The following CLVS1 variants were observed in gnomAD, a reference collection of about 807,000 sequenced individuals.
CLVS1 encodes the protein clavesin 1, also known as clavesin-1.
A neutral mutation model predicts 33.1 loss-of-function variants in CLVS1; 10 were observed. That is an observed-to-expected ratio of 0.30 (90% CI 0.19 to 0.51). The LOEUF is 0.51. Ranked by LOEUF, CLVS1 falls within the 20% of genes least tolerant of loss-of-function variation. The probability of loss-of-function intolerance (pLI) is 0.97; values close to 1 mark genes in which losing one functional copy is unlikely to be tolerated. For synonymous variants in CLVS1, 163 were observed against 166.1 expected (o/e 0.98, Z 0.14); for missense variants, 343 against 433.4 (o/e 0.79, Z 1.85).
chr8:61,350,282 A>G (rs757907413), intron 2 of CLVS1, among the ~76,000 whole-genome samples: 7 of 152,154 alleles, frequency 4.6e-5, no homozygotes, highest in Non-Finnish European at 8.8e-5. Flanking sequence ...GAAGAGAATC[A>G]AGTATCCCAT....
At chr8:61,045,851 C>G in the CLVS1 span, among the ~76,000 whole-genome samples, 1 of 152,162 alleles carries the variant, frequency 6.6e-6, no homozygotes, top group Non-Finnish European at 1.5e-5. Flanking sequence ...AATAGACAAC[C>G]AGGCATAGAG....
At chr8:61,314,556 C>G (rs568445876) in intron 2 of CLVS1, among the ~76,000 whole-genome samples, 1 of 152,138 alleles carries the variant, frequency 6.6e-6, no homozygotes, top group African/African-American at 2.4e-5. Context: ...AATGAGGAAG[C>G]TAACCTTGGA....
intron 2 of CLVS1, among the ~76,000 whole-genome samples, chr8:61,267,443 A>G (rs904552499): frequency 4.2e-4 from 64 of 152,216 alleles, no homozygotes; most frequent in African/African-American, 1.4e-3. Context: ...ACATACACAC[A>G]TCTATATCCG....
At chr8:61,287,730 C>T (rs183462324), upstream of CLVS1, among the ~76,000 whole-genome samples, 138 of 151,650 alleles carry the variant, frequency 9.1e-4, 1 homozygote, top group Middle Eastern at 6.8e-3. Flanking sequence ...GTCAAATTTA[C>T]ACACACACAC....
At chr8:61,442,944 T>C (rs188972878) in intron 3 of CLVS1, among the ~76,000 whole-genome samples, 1 of 152,330 alleles carries the variant, frequency 6.6e-6, no homozygotes, top group East Asian at 1.9e-4. Flanking sequence ...ATTTGTAGTG[T>C]GATATCTCAT....
At chr8:61,181,330 G>A (rs1807223831) in intron 2 of CLVS1, among the ~76,000 whole-genome samples, 1 of 152,134 alleles carries the variant, frequency 6.6e-6, no homozygotes, top group Non-Finnish European at 1.5e-5. Context: ...GGAAATAAGA[G>A]AGAACACAAA....
chr8:61,353,308 C>A (rs1370325549), intron 2 of CLVS1, among the ~76,000 whole-genome samples: 2 of 152,022 alleles, frequency 1.3e-5, no homozygotes, highest in East Asian at 3.9e-4. Flanking sequence ...ATAAAGTAAA[C>A]CTTAACAAAT....
At chr8:61,341,334 C>A (rs1000828202) in intron 2 of CLVS1, among the ~76,000 whole-genome samples, 3 of 152,194 alleles carry the variant, frequency 2.0e-5, no homozygotes, top group African/African-American at 7.2e-5. Flanking sequence ...TGTTAAAACC[C>A]ACAAATGAAT....
In CLVS1 at chr8:61,350,057, T is replaced by A. The variant is rs1279958049; in HGVS notation, c.456-26548T>A. Among the ~76,000 whole-genome samples, 12 of 152,160 alleles carry A rather than the reference T, an allele frequency of 7.9e-5. No homozygotes were observed. The East Asian group carries it at 2.3e-3, about 29-fold the overall frequency. On this transcript the variant is annotated intron_variant, in intron 2 of 5. Transcript: ENST00000325897. Reference sequence around the variant, plus strand: ...AGCATTAAACCATAGCATTAATATATGTTGGTCAAAGGATATAGAATTTCA... The same window carrying A: ...AGCATTAAACCATAGCATTAATATAAGTTGGTCAAAGGATATAGAATTTCA...
At chr8:61,266,972 C>A (rs180772937) in intron 2 of CLVS1, among the ~76,000 whole-genome samples, 1 of 152,334 alleles carries the variant, frequency 6.6e-6, no homozygotes, top group East Asian at 1.9e-4. Flanking sequence ...TGGAGCCACA[C>A]AGAGGCAGTT....
intron 5 of CLVS1, among the ~76,000 whole-genome samples, chr8:61,463,349 C>CA (rs36021919): frequency 0.62 from 94,717 of 152,072 alleles, 34,189 homozygotes; most frequent in Non-Finnish European, 0.79. Context: ...TTTGTGTGTT[C>CA]ACTGAAGTAG....
the CLVS1 span, among the ~76,000 whole-genome samples, chr8:60,969,452 G>A: frequency 2.0e-5 from 3 of 152,234 alleles, no homozygotes; most frequent in South Asian, 2.1e-4. Flanking sequence ...GCCACAAAGC[G>A]TCTGTTATGT....
chr8:61,443,000 T>C (rs1350145899), intron 3 of CLVS1, among the ~76,000 whole-genome samples: 1 of 152,212 alleles, frequency 6.6e-6, no homozygotes, highest in African/African-American at 2.4e-5. Flanking sequence ...ATGTGAAATA[T>C]CTTCTCATGT....
chr8:61,428,717 C>T (rs1185890422), intron 3 of CLVS1, among the ~76,000 whole-genome samples: 1 of 152,194 alleles, frequency 6.6e-6, no homozygotes, highest in Non-Finnish European at 1.5e-5. Flanking sequence ...GTCCCAGGAC[C>T]TCCACATATA....
At chr8:61,008,237 T>C in the CLVS1 span, among the ~76,000 whole-genome samples, 102 of 151,884 alleles carry the variant, frequency 6.7e-4, 1 homozygote, top group Non-Finnish European at 1.1e-3. Context: ...TTTGTTTTTT[T>C]CAACAATAAT....
intron 2 of CLVS1, among the ~76,000 whole-genome samples, chr8:61,251,469 A>G (rs1808947036): frequency 6.6e-6 from 1 of 152,084 alleles, no homozygotes. Flanking sequence ...TATTGTTTGG[A>G]ATAGTTTCAG....
intron 2 of CLVS1, among the ~76,000 whole-genome samples, chr8:61,364,137 G>A (rs956213464): frequency 2.6e-5 from 4 of 152,160 alleles, no homozygotes; most frequent in African/African-American, 4.8e-5. Flanking sequence ...ATTTAACCTG[G>A]TTTTGAAGGA....
intron 1 of CLVS1, among the ~76,000 whole-genome samples, chr8:61,096,439 A>C (rs1426267192): frequency 6.6e-6 from 1 of 152,202 alleles, no homozygotes; most frequent in African/African-American, 2.4e-5. Context: ...GAATTTCTTG[A>C]TTTTGTTTTA....
chr8:61,363,140 C>T (rs1036184475), intron 2 of CLVS1, among the ~76,000 whole-genome samples: 2 of 152,156 alleles, frequency 1.3e-5, no homozygotes, highest in African/African-American at 4.8e-5. Flanking sequence ...AACTGCTGAT[C>T]TTTCTAAGCA....
Sources: allele counts gnomAD v4.1 joint callset (sites outside exome capture counted in the v4.1 genomes callset), GRCh38; gene constraint gnomAD v4.1.1; transcripts MANE v1.5; gene names NCBI Gene and HGNC (gene_info 2026-07-23, HGNC 2026-07-21).